Variants in FGF14 observed in about 807,000 individuals in gnomAD.
FGF14 encodes fibroblast growth factor homologous factor 4.
FGF14 carries 5 observed loss-of-function variants against 25.5 expected under a neutral mutation model. That is an observed-to-expected ratio of 0.20 (90% confidence interval 0.10 to 0.41). The LOEUF is 0.41. FGF14 is among the 10% of genes least tolerant of loss of function. The probability of loss-of-function intolerance (pLI) is 1.00; values close to 1 mark genes in which losing one functional copy is unlikely to be tolerated. For missense variants in FGF14, 222 were observed against 320.1 expected (o/e 0.69, Z 2.34); for synonymous variants, 138 against 118.3 (o/e 1.17, Z -1.08).
At chr13:101,918,593 C>T (rs1254955533), upstream of FGF14, among the ~76,000 whole-genome samples, 1 of 152,232 alleles carries the variant, frequency 6.6e-6, no homozygotes, top group Non-Finnish European at 1.5e-5. Context: ...AGAGTACTCG[C>T]CACCAGGCAA....
At chr13:102,352,053 T>G (rs750900919) in intron 1 of FGF14, among the ~76,000 whole-genome samples, 1 of 152,154 alleles carries the variant, frequency 6.6e-6, no homozygotes, top group Non-Finnish European at 1.5e-5. Context: ...TTCTGCAACC[T>G]AACTACAAGC....
chr13:102,057,669 C>T (rs2042496154), intron 1 of FGF14, among the ~76,000 whole-genome samples: 1 of 152,052 alleles, frequency 6.6e-6, no homozygotes, highest in Non-Finnish European at 1.5e-5. Context: ...GCATTGTAAT[C>T]ATCTGTGGCC....
intron 1 of FGF14, among the ~76,000 whole-genome samples, chr13:101,890,915 T>C (rs765509403): frequency 1.3e-5 from 2 of 151,850 alleles, no homozygotes; most frequent in Non-Finnish European, 2.9e-5. Flanking sequence ...GTGCCTTACC[T>C]TTCAAGAGCC....
chr13:101,795,581 G>A (rs1486495442), intron 3 of FGF14, among the ~76,000 whole-genome samples: 1 of 151,970 alleles, frequency 6.6e-6, no homozygotes, highest in African/African-American at 2.4e-5. Flanking sequence ...TTTTTATCTT[G>A]CCTTCATATT....
At chr13:102,065,950 A>T (rs867015501) in intron 1 of FGF14, among the ~76,000 whole-genome samples, 1 of 152,214 alleles carries the variant, frequency 6.6e-6, no homozygotes, top group Non-Finnish European at 1.5e-5. Flanking sequence ...TAGTAAAAGC[A>T]TATTTAGACA....
chr13:102,006,533 AGTTTT>A (rs141343447), intron 1 of FGF14, among the ~76,000 whole-genome samples: 4,845 of 152,156 alleles, frequency 0.032, 241 homozygotes, highest in African/African-American at 0.11. Flanking sequence ...ATATCATAGA[AGTTTT>A]GTAGAAACTC....
chr13:101,943,709 C>T (rs1160953114), intron 1 of FGF14, among the ~76,000 whole-genome samples: 1 of 151,984 alleles, frequency 6.6e-6, no homozygotes, highest in East Asian at 1.9e-4. Flanking sequence ...TGCAGTGGCT[C>T]ACGCCTGTAA....
chr13:102,141,054 A>C (rs1398377190), intron 1 of FGF14, among the ~76,000 whole-genome samples: 3 of 152,246 alleles, frequency 2.0e-5, no homozygotes, highest in Non-Finnish European at 2.9e-5. Context: ...TTGACAGTAA[A>C]CATGGCTACC....
chr13:102,211,577 A>G (rs2050162358), intron 1 of FGF14, among the ~76,000 whole-genome samples: 1 of 152,228 alleles, frequency 6.6e-6, no homozygotes, highest in South Asian at 2.1e-4. Flanking sequence ...TTCCCTGCTT[A>G]GTACATCTTT....
At chr13:102,264,478 CA>C (rs1287350659) in intron 1 of FGF14, among the ~76,000 whole-genome samples, 2 of 152,076 alleles carry the variant, frequency 1.3e-5, no homozygotes, top group African/African-American at 2.4e-5. Flanking sequence ...AGTACAATAC[CA>C]GACACTTAAA....
At chr13:101,903,527 G>A (rs930238484) in intron 1 of FGF14, among the ~76,000 whole-genome samples, 6 of 151,780 alleles carry the variant, frequency 4.0e-5, no homozygotes, top group African/African-American at 1.5e-4. Flanking sequence ...ACTTTTAGTG[G>A]AGACTTGGGT....
At chr13:102,228,334 C>T (rs139518348) in intron 1 of FGF14, among the ~76,000 whole-genome samples, 247 of 152,152 alleles carry the variant, frequency 1.6e-3, no homozygotes, top group African/African-American at 4.8e-3. Context: ...ATGGTGAAAA[C>T]GAAACAAACA....
chr13:102,307,052 T>G (rs1348367960), intron 1 of FGF14, among the ~76,000 whole-genome samples: 1 of 152,066 alleles, frequency 6.6e-6, no homozygotes, highest in Non-Finnish European at 1.5e-5. Context: ...ATAGGAGGCC[T>G]TAAAAGTGGA....
intron 1 of FGF14, among the ~76,000 whole-genome samples, chr13:102,380,467 G>C (rs906169088): frequency 6.6e-6 from 1 of 152,108 alleles, no homozygotes; most frequent in Non-Finnish European, 1.5e-5. Flanking sequence ...GTTCATGGCT[G>C]CAACTTTCCT....
intron 1 of FGF14, among the ~76,000 whole-genome samples, chr13:102,192,655 A>T (rs563418959): frequency 6.6e-6 from 1 of 152,298 alleles, no homozygotes; most frequent in South Asian, 2.1e-4. Flanking sequence ...CAAAATCCAA[A>T]GTCTTATCTA....
chr13:101,744,873 G>T (rs1207158517), intron 3 of FGF14, among the ~76,000 whole-genome samples: 2 of 151,880 alleles, frequency 1.3e-5, no homozygotes, highest in South Asian at 4.2e-4. Context: ...AGGTGTTTGG[G>T]GTTCATGAAT....
At chr13:102,104,619 TAC>T (rs778679228) in intron 1 of FGF14, among the ~76,000 whole-genome samples, 1 of 151,450 alleles carries the variant, frequency 6.6e-6, no homozygotes, top group Non-Finnish European at 1.5e-5. Flanking sequence ...CTACAAAAAA[TAC>T]ACACACACAC....
rs550059878 is a variant in FGF14 at position 102,011,599 on chromosome 13, C to CT, written c.209-136304_209-136303insA. On this transcript the variant is annotated intron_variant, in intron 1 of 4. Coordinates refer to the FGF14 transcript ENST00000376131. ...CCATACGCAGGAGTATGAAGCTTAT[C>CT]CATAGCTGAGAGCATAGAGAGCAGC... Among the ~76,000 whole-genome samples, 63 of 142,084 alleles carry CT rather than the reference C, an allele frequency of 4.4e-4. No homozygotes were observed. In the Middle Eastern group the frequency reaches 0.016, roughly 36 times the overall value. The allele number at this position is 142,084 out of a possible 152,430, so 93.2% of individuals were successfully genotyped here.
intron 1 of FGF14, among the ~76,000 whole-genome samples, chr13:102,204,719 A>C (rs1566814686): frequency 6.6e-6 from 1 of 151,424 alleles, no homozygotes; most frequent in Non-Finnish European, 1.5e-5. Flanking sequence ...GCTAATTTTT[A>C]TATTATTAGT....
Sources: allele counts gnomAD v4.1 joint callset (sites outside exome capture counted in the v4.1 genomes callset), GRCh38; gene constraint gnomAD v4.1.1; transcripts MANE v1.5; gene names NCBI Gene and HGNC (gene_info 2026-07-23, HGNC 2026-07-21).